The following CDH12 variants were observed in gnomAD, a reference collection of about 807,000 sequenced individuals.
CDH12 encodes the protein cadherin 12.
A neutral mutation model predicts 74.1 loss-of-function variants in CDH12; 41 were observed. That is an observed-to-expected ratio of 0.55 (90% CI 0.43 to 0.72). The LOEUF is 0.72. CDH12 is among the 30% of genes least tolerant of loss of function. CDH12 has a pLI of 0.00. For synonymous variants in CDH12, 399 were observed against 355.0 expected, an observed-to-expected ratio of 1.12 and a Z score of -1.39; for missense variants, 945 against 977.2, an observed-to-expected ratio of 0.97 and a Z score of 0.44.
At chr5:22,621,734 T>G (rs1209518983) in intron 1 of CDH12, among the ~76,000 whole-genome samples, 1 of 152,082 alleles carries the variant, frequency 6.6e-6, no homozygotes, top group Admixed American at 6.6e-5. Flanking sequence ...ACACTAAATT[T>G]GAAATTTTAA....
intron 4 of CDH12, among the ~76,000 whole-genome samples, chr5:22,176,582 A>AC (rs1021663960): frequency 6.6e-6 from 1 of 152,010 alleles, no homozygotes; most frequent in African/African-American, 2.4e-5. Context: ...GGTTAGTTCT[A>AC]CCCCAAATGT....
chr5:22,845,426 T>C (rs1192670279), intron 1 of CDH12, among the ~76,000 whole-genome samples: 1 of 152,144 alleles, frequency 6.6e-6, no homozygotes, highest in East Asian at 1.9e-4. Flanking sequence ...ATAGGCATAC[T>C]TTTGGGTGAA....
chr5:22,771,004 TAA>T (rs1454579305), intron 1 of CDH12, among the ~76,000 whole-genome samples: 1 of 152,136 alleles, frequency 6.6e-6, no homozygotes, highest in African/African-American at 2.4e-5. Context: ...AAAAATTATC[TAA>T]GTTCAAACTC....
intron 6 of CDH12, among the ~76,000 whole-genome samples, chr5:21,856,571 G>C (rs928791512): frequency 6.6e-6 from 1 of 151,570 alleles, no homozygotes; most frequent in Middle Eastern, 3.4e-3. Flanking sequence ...ATTTATAGTC[G>C]GGAAAATAAA....
chr5:22,454,695 G>A (rs192081308), intron 2 of CDH12, among the ~76,000 whole-genome samples: 3 of 151,984 alleles, frequency 2.0e-5, no homozygotes, highest in Non-Finnish European at 2.9e-5. Context: ...GGCTAGTCTC[G>A]AACTCCTGTC....
intron 1 of CDH12, among the ~76,000 whole-genome samples, chr5:22,548,557 A>C (rs1464592459): frequency 1.3e-5 from 2 of 152,142 alleles, no homozygotes; most frequent in Non-Finnish European, 2.9e-5. Flanking sequence ...TTGGTGAACT[A>C]GGCTGTTGAA....
At chr5:22,255,004 G>C (rs1033684814) in intron 3 of CDH12, among the ~76,000 whole-genome samples, 1 of 151,786 alleles carries the variant, frequency 6.6e-6, no homozygotes, top group South Asian at 2.1e-4. Flanking sequence ...CTGTATTTTT[G>C]TACCCATTAA....
chr5:22,496,716 A>C (rs1269808451), intron 2 of CDH12, among the ~76,000 whole-genome samples: 1 of 152,176 alleles, frequency 6.6e-6, no homozygotes, highest in East Asian at 1.9e-4. Context: ...TTGATCTTTT[A>C]AGATTCATCA....
At chr5:21,864,127 ATATG>A (rs1751199765) in intron 6 of CDH12, among the ~76,000 whole-genome samples, 1 of 135,964 alleles carries the variant, frequency 7.4e-6, no homozygotes, top group South Asian at 2.3e-4. Flanking sequence ...AACAGAAAGA[ATATG>A]TGTGTGTGTG....
chr5:22,368,810 T>A (rs201869379), intron 3 of CDH12, among the ~76,000 whole-genome samples: 1 of 151,856 alleles, frequency 6.6e-6, no homozygotes, highest in Non-Finnish European at 1.5e-5. Flanking sequence ...TCTTAGGGTG[T>A]GAGCTACCAT....
chr5:21,811,448 T>C (rs1480676824), intron 9 of CDH12, among the ~76,000 whole-genome samples: 4 of 152,074 alleles, frequency 2.6e-5, no homozygotes, highest in African/African-American at 4.8e-5. Flanking sequence ...TTTTAATTCG[T>C]GTAACTCACT....
intron 4 of CDH12, among the ~76,000 whole-genome samples, chr5:22,183,249 G>A (rs1412814609): frequency 2.6e-5 from 4 of 151,448 alleles, no homozygotes; most frequent in Non-Finnish European, 4.4e-5. Context: ...GGAGAGACTG[G>A]TGAATCAAGA....
chr5:21,923,607 T>A (rs555536593), intron 6 of CDH12, among the ~76,000 whole-genome samples: 2 of 152,292 alleles, frequency 1.3e-5, no homozygotes, highest in African/African-American at 4.8e-5. Context: ...TGAGCTGGAT[T>A]GTTTCTGATT....
At chr5:22,621,205 A>T (rs2126840280) in intron 1 of CDH12, among the ~76,000 whole-genome samples, 1 of 152,298 alleles carries the variant, frequency 6.6e-6, no homozygotes, top group Non-Finnish European at 1.5e-5. Flanking sequence ...TTTCACTTAT[A>T]GCACCTTTGC....
chr5:22,013,805 G>A (rs191181214), intron 5 of CDH12, among the ~76,000 whole-genome samples: 4 of 152,122 alleles, frequency 2.6e-5, no homozygotes, highest in East Asian at 1.9e-4. Context: ...AGATGTTTTC[G>A]TAAATCTCAT....
intron 2 of CDH12, among the ~76,000 whole-genome samples, chr5:22,417,896 C>A (rs1158114081): frequency 6.6e-6 from 1 of 152,126 alleles, no homozygotes; most frequent in Non-Finnish European, 1.5e-5. Flanking sequence ...TTGAATAGAT[C>A]TGTTGCTATT....
intron 1 of CDH12, among the ~76,000 whole-genome samples, chr5:22,591,196 T>C (rs987208412): frequency 3.9e-5 from 6 of 152,306 alleles, no homozygotes; most frequent in African/African-American, 1.2e-4. Flanking sequence ...CAAAGTAATA[T>C]AAAATCAACT....
At chr5:22,164,352 C>A (rs552410128) in intron 4 of CDH12, among the ~76,000 whole-genome samples, 3 of 152,288 alleles carry the variant, frequency 2.0e-5, no homozygotes, top group African/African-American at 7.2e-5. Flanking sequence ...TGAACCCAGG[C>A]ACTTAGCTGT....
intron 1 of CDH12, among the ~76,000 whole-genome samples, chr5:22,802,624 G>T (rs1213468619): frequency 6.6e-6 from 1 of 151,992 alleles, no homozygotes; most frequent in Non-Finnish European, 1.5e-5. Context: ...GCCAGGTCGA[G>T]GCTTGTATTT....
Sources: gnomAD v4.1 joint callset for allele counts (sites outside exome capture counted in the v4.1 genomes callset) on GRCh38, gnomAD v4.1.1 for gene constraint, MANE v1.5 for transcripts, NCBI Gene and HGNC (gene_info 2026-07-23, HGNC 2026-07-21) for gene names.